Variants in PHLDA2 observed in about 807,000 individuals in gnomAD.
PHLDA2 encodes pleckstrin homology-like domain family A member 2.
In PHLDA2, 5 loss-of-function variants were observed where a neutral mutation model predicts 5.9. That is an observed-to-expected ratio of 0.85 (90% CI 0.44 to 1.78). PHLDA2 has a LOEUF of 1.78. Ranked by LOEUF, PHLDA2 falls within the 40% of genes most tolerant of loss-of-function variation. The pLI, the probability that PHLDA2 is intolerant of heterozygous loss-of-function variation, is 0.02. For missense variants in PHLDA2, 216 were observed against 228.3 expected, an observed-to-expected ratio of 0.95 and a Z score of 0.35; for synonymous variants, 111 against 102.7, an observed-to-expected ratio of 1.08 and a Z score of -0.49.
rs1259833342 is a variant in PHLDA2, at chr11:2,929,332, G to A, written c.33C>T (p.Gly11=). ...GGCTGTCGCTGCGCTTCTCCAACTC[G>A]CCCTCGCGTAGCACCTCGTCGGGGG... MKSPDEVLRE[G]ELEKRSDSLF... The change falls in exon 1 of 2, where the codon GGC becomes GGT. Residue 11 remains glycine, a synonymous_variant. Coordinates refer to ENST00000314222, the MANE Select transcript of PHLDA2 (RefSeq NM_003311.4). The surrounding 1 kb of genome is among the most constrained non-coding windows in gnomAD (Gnocchi z 8.3). 6.2e-7 allele frequency: 1 copy of A among 1,608,294 alleles called. No individual in the cohort carries two copies. Among genetic ancestry groups the A allele is most frequent in the Admixed American group, 1.7e-5 (1 of 59,658 alleles).
Position 2,928,959 on chromosome 11 carries a change from C to G in PHLDA2, c.406G>C (p.Glu136Gln). The change falls in exon 1 of 2, where the codon GAG becomes CAG. Residue 136 changes from glutamate (E) to glutamine (Q), a missense_variant. Coordinates refer to ENST00000314222, the MANE Select transcript of PHLDA2 (RefSeq NM_003311.4). ...GATGGCCTGGAGGGCTCCGAGGGCTCGGAGGGTGCGGCGGCCGCGGCAGCC... is the reference window on the plus strand; with the variant it reads ...GATGGCCTGGAGGGCTCCGAGGGCTGGGAGGGTGCGGCGGCCGCGGCAGCC... ...AVAAAAAAPSEPSEPSRPSPQ... is the reference protein window; with the variant it reads ...AVAAAAAAPSQPSEPSRPSPQ... 1 of 1,501,988 alleles carries G rather than the reference C, an allele frequency of 6.7e-7. No homozygotes were observed. Among genetic ancestry groups the G allele is most frequent in the South Asian group, 1.3e-5 (1 of 75,948 alleles). The allele number at this position is 1,501,988 out of a possible 1,614,324, so 93.0% of individuals were successfully genotyped here.
intron 1 of PHLDA2, 89 bp from the exon 2 acceptor site, chr11:2,928,756 A>G: frequency 1.6e-6 from 1 of 635,376 alleles, no homozygotes; most frequent in Non-Finnish European, 2.4e-6. Flanking sequence ...CGAGGGGGCC[A>G]GCGCGATTGC....
At chr11:2,928,844 CG>C (rs1850471410) in intron 1 of PHLDA2, 51 bp downstream of exon 1, 1 of 1,240,328 alleles carries the variant, frequency 8.1e-7, no homozygotes, top group African/African-American at 1.6e-5. Context: ...CCAAAGGCCC[CG>C]GTCCCGGCTG....
At chr11:2,928,740 C>T in intron 1 of PHLDA2, 73 bp from the exon 2 acceptor site, 1 of 577,534 alleles carries the variant, frequency 1.7e-6, no homozygotes, top group Non-Finnish European at 2.8e-6. Context: ...CCCCGAGACC[C>T]TGACGCGAGG....
At chr11:2,928,851 G>C (rs1029443155) in intron 1 of PHLDA2, 45 bp downstream of exon 1, 24 of 1,273,324 alleles carry the variant, frequency 1.9e-5, no homozygotes, top group Non-Finnish European at 2.4e-5. Context: ...CCCCGGTCCC[G>C]GCTGTTAGGG....
In PHLDA2 at chr11:2,929,019, G is replaced by C; in HGVS notation, c.346C>G (p.Arg116Gly). The C allele has an allele frequency of 6.4e-7, 1 of 1,568,746 alleles. No individual in the cohort carries two copies. Among genetic ancestry groups the C allele is most frequent in the Non-Finnish European group, 8.6e-7 (1 of 1,165,574 alleles). The change falls in exon 1 of 2, where the codon CGC becomes GGC. Residue 116 changes from arginine to glycine, a missense_variant. Transcript: ENST00000314222. The surrounding 1 kb of genome is among the most constrained non-coding windows in gnomAD (Gnocchi z 8.3). ...ALQDFRSRQE[R>G]TAPAAPAEDA... is the part of the protein sequence containing the mutation. ...TCGGCGGGTGCGGCGGGTGCGGTGC[G>C]TTCCTGGCGGCTGCGAAAGTCCTGC...
chr11:2,928,489 T>C lies in PHLDA2; in HGVS notation c.*189A>G, dbSNP rs1043280012. The stretch of plus-strand genomic sequence containing the variant: ...TGATGCAAAAACAAGATATTAAGAC[T>C]ATAAAATATGTGACTACAAAGAACC... On this transcript the variant is annotated 3_prime_UTR_variant, in exon 2 of 2. Coordinates refer to ENST00000314222, the MANE Select transcript of PHLDA2 (RefSeq NM_003311.4). The C allele has an allele frequency of 4.8e-6, 1 of 206,832 alleles. No individual in the cohort carries two copies. The highest frequency in any genetic ancestry group is 9.5e-6 in the Non-Finnish European group (1 of 104,720). The allele number at this position is 206,832 out of a possible 1,614,324, so 12.8% of individuals were successfully genotyped here.
rs1850479834 is a variant in PHLDA2, at chr11:2,929,135, TGG to T, written c.228_229del (p.Asp76GlufsTer119). 2.5e-6 allele frequency: 4 copies of T among 1,612,708 alleles called. No individual in the cohort carries two copies. The highest frequency in any genetic ancestry group is 3.4e-6 in the Non-Finnish European group (4 of 1,179,878). On this transcript the variant is annotated frameshift_variant, in exon 1 of 2. Transcript: ENST00000314222. LOFTEE classifies it high-confidence loss of function. The surrounding 1 kb of genome is among the most constrained non-coding windows in gnomAD (Gnocchi z 8.3). ...CGCGCAGCGGAAGTCGATCTCCTTG[TGG>T]TCGGTGGTGACGATGGTGAAGTACA...
intron 1 of PHLDA2, 52 bp downstream of exon 1, chr11:2,928,844 C>T (rs979963482): frequency 4.0e-6 from 5 of 1,240,328 alleles, no homozygotes; most frequent in Non-Finnish European, 5.2e-6. Context: ...CCAAAGGCCC[C>T]GGTCCCGGCT....
Position 2,929,228 on chromosome 11 carries a change from C to T in PHLDA2, c.137G>A (p.Arg46His), listed in dbSNP as rs201005499. 3.2e-5 allele frequency: 51 copies of T among 1,611,922 alleles called. No individual in the cohort carries two copies. In the African/African-American group the frequency reaches 4.7e-4, roughly 15 times the overall value. Reference sequence around the variant, plus strand: ...GGAGTGGAAGCGCAGCTCCTTGGGGCGCGCGCGGGGGCTGGCGGGGAACAG... The same window carrying T: ...GGAGTGGAAGCGCAGCTCCTTGGGGTGCGCGCGGGGGCTGGCGGGGAACAG... The part of the protein sequence containing the change: ...LSLFPASPRA[R>H]PKELRFHSIL... Residue 46 changes from arginine to histidine, a missense_variant, in exon 1 of 2, where the codon CGC (arginine) becomes CAC (histidine). Coordinates refer to ENST00000314222, the MANE Select transcript of PHLDA2 (RefSeq NM_003311.4). This position sits in a 1 kb window ranked among gnomAD's most constrained non-coding sequence, Gnocchi z 8.3.
At chr11:2,928,857 T>G in intron 1 of PHLDA2, 39 bp downstream of exon 1, 1 of 1,287,766 alleles carries the variant, frequency 7.8e-7, no homozygotes, top group Non-Finnish European at 1.0e-6. Context: ...TCCCGGCTGT[T>G]AGGGCGCAGG....
intron 1 of PHLDA2, 103 bp from the exon 2 acceptor site, chr11:2,928,770 G>A: frequency 2.8e-6 from 2 of 726,478 alleles, no homozygotes; most frequent in East Asian, 3.4e-5. Flanking sequence ...CGATTGCGGG[G>A]CGCCGGGTCC....
Position 2,929,347 on chromosome 11 carries a change from C to T in PHLDA2, c.18G>A (p.Glu6=), listed in dbSNP as rs750106500. 16 of 1,606,938 alleles carry T rather than the reference C, an allele frequency of 1.0e-5. No individual in the cohort carries two copies. Among genetic ancestry groups the T allele is most frequent in the Admixed American group, 8.4e-5 (5 of 59,518 alleles). Reference sequence around the variant, plus strand: ...TCTCCAACTCGCCCTCGCGTAGCACCTCGTCGGGGGATTTCATGTCGTGCC... The same window carrying T: ...TCTCCAACTCGCCCTCGCGTAGCACTTCGTCGGGGGATTTCATGTCGTGCC... MKSPD[E]VLREGELEKR... Residue 6 remains glutamate (E), a synonymous_variant, in exon 1 of 2, where the codon GAG becomes GAA. Transcript: ENST00000314222. The surrounding 1 kb of genome is among the most constrained non-coding windows in gnomAD (Gnocchi z 8.3).
Position 2,929,070 on chromosome 11 carries a change from T to C in PHLDA2, c.295A>G (p.Ile99Val). The change falls in exon 1 of 2, where the codon ATC becomes GTC. Residue 99 changes from isoleucine (I) to valine (V), a missense_variant. Ile to Val is a conservative substitution (Grantham distance 29, BLOSUM62 3). Transcript: ENST00000314222. This position sits in a 1 kb window ranked among gnomAD's most constrained non-coding sequence, Gnocchi z 8.3. ...AGGGCGCGGCGGTTCTGGAAATCGATGAGCGCCAGCGCGATGGCCGCGTTC... is the reference window on the plus strand; with the variant it reads ...AGGGCGCGGCGGTTCTGGAAATCGACGAGCGCCAGCGCGATGGCCGCGTTC... ...CWNAAIALALIDFQNRRALQD... is the reference protein window; with the variant it reads ...CWNAAIALALVDFQNRRALQD... 1 of 1,610,224 alleles carries C rather than the reference T, an allele frequency of 6.2e-7. No homozygotes were observed. Among genetic ancestry groups the C allele is most frequent in the South Asian group, 1.1e-5 (1 of 90,722 alleles).
In PHLDA2 at chr11:2,929,187, A is replaced by C. The variant is rs774851576; in HGVS notation, c.178T>G (p.Cys60Gly). The C allele has an allele frequency of 1.5e-5, 24 of 1,612,772 alleles. No homozygotes were observed. Among genetic ancestry groups the C allele is most frequent in the Admixed American group, 6.7e-5 (4 of 60,004 alleles). Residue 60 changes from cysteine (C) to glycine (G), a missense_variant, in exon 1 of 2, where the codon TGC becomes GGC. By Grantham distance (159) the Cys-to-Gly change is radical. Coordinates refer to ENST00000314222, the MANE Select transcript of PHLDA2 (RefSeq NM_003311.4). The surrounding 1 kb of genome is among the most constrained non-coding windows in gnomAD (Gnocchi z 8.3). ...LRFHSILKVD[C>G]VERTGKYVYF... ...ACGTACTTGCCCGTGCGCTCCACGC[A>C]GTCCACCTTGAGGATGGAGTGGAAG...
At position 2,929,102 on chromosome 11, in the gene PHLDA2, C is replaced by G. The variant is rs1289609691; in HGVS notation, c.263G>C (p.Ser88Thr). ...CAGCGCGATGGCCGCGTTCCAGCAG[C>G]TCTCGCCCGCGCAGCGGAAGTCGAT... ...KEIDFRCAGE[S>T]CWNAAIALAL... Residue 88 changes from serine to threonine, a missense_variant, in exon 1 of 2, where the codon AGC becomes ACC. Ser to Thr is a moderately conservative substitution (Grantham distance 58). Coordinates refer to ENST00000314222, the MANE Select transcript of PHLDA2 (RefSeq NM_003311.4). The surrounding 1 kb of genome is among the most constrained non-coding windows in gnomAD (Gnocchi z 8.3). 6.2e-7 allele frequency: 1 copy of G among 1,611,864 alleles called. No individual in the cohort carries two copies. Among genetic ancestry groups the G allele is most frequent in the South Asian group, 1.1e-5 (1 of 90,828 alleles).
rs1346554500 is a variant in PHLDA2, at chr11:2,929,401, G to A, written c.-37C>T. The A allele has an allele frequency of 9.9e-6, 15 of 1,516,754 alleles. No homozygotes were observed. Among genetic ancestry groups the A allele is most frequent in the Admixed American group, 1.9e-5 (1 of 53,444 alleles). 94.0% of individuals were successfully genotyped at this position (1,516,754 alleles called of 1,614,324 possible). ...CGCGGGACTGGGAGCGGCAATGCGG[G>A]CGGTGACGGCGCCGGCTCTGCTCCT... On this transcript the variant is annotated 5_prime_UTR_variant, in exon 1 of 2. Transcript: ENST00000314222. The surrounding 1 kb of genome is among the most constrained non-coding windows in gnomAD (Gnocchi z 8.3).
chr11:2,928,920 G>A lies in PHLDA2; in HGVS notation c.445C>T (p.Pro149Ser). 31 of 1,393,342 alleles carry A rather than the reference G, an allele frequency of 2.2e-5. No homozygotes were observed. The highest frequency in any genetic ancestry group is 2.8e-5 in the Non-Finnish European group (30 of 1,084,410). The allele number at this position is 1,393,342 out of a possible 1,614,324, so 86.3% of individuals were successfully genotyped here. Residue 149 changes from proline to serine, a missense_variant, in exon 1 of 2, where the codon CCC becomes TCC. Transcript: ENST00000314222. ...EPSRPSPQPK[P>S]RTP ...CCGCGGCGGGCTCATGGCGTGCGGGGTTTGGGCTGCGGGGATGGCCTGGAG... is the reference window on the plus strand; with the variant it reads ...CCGCGGCGGGCTCATGGCGTGCGGGATTTGGGCTGCGGGGATGGCCTGGAG...
At position 2,929,282 on chromosome 11, in the gene PHLDA2, C is replaced by T. The variant is rs748622659; in HGVS notation, c.83G>A (p.Arg28His). The change falls in exon 1 of 2, where the codon CGC becomes CAC. Residue 28 changes from arginine (R) to histidine (H), a missense_variant. Arg to His is a conservative substitution (Grantham distance 29). Transcript: ENST00000314222. The surrounding 1 kb of genome is among the most constrained non-coding windows in gnomAD (Gnocchi z 8.3). ...CAGGCGGTCGGAGGTGAGCACCCCGCGCTTCTTCTTCCATAGCTGGAAGAG... is the reference window on the plus strand; with the variant it reads ...CAGGCGGTCGGAGGTGAGCACCCCGTGCTTCTTCTTCCATAGCTGGAAGAG... ...DSLFQLWKKKRGVLTSDRLSL... is the reference protein window; with the variant it reads ...DSLFQLWKKKHGVLTSDRLSL... 5 of 1,610,460 alleles carry T rather than the reference C, an allele frequency of 3.1e-6. No homozygotes were observed. The highest frequency in any genetic ancestry group is 2.2e-5 in the East Asian group (1 of 44,678).
Sources: allele counts gnomAD v4.1 joint callset, GRCh38; gene constraint gnomAD v4.1.1; non-coding constraint Gnocchi (gnomAD v3.1); transcripts MANE v1.5; gene names NCBI Gene and HGNC (gene_info 2026-07-23, HGNC 2026-07-21).